The following SLC35F3 variants were observed in gnomAD, a reference collection of about 807,000 sequenced individuals.
SLC35F3 encodes putative thiamine transporter SLC35F3.
SLC35F3 carries 25 observed loss-of-function variants against 49.9 expected under a neutral mutation model. The ratio of observed to expected loss-of-function variants is 0.50; its 90% CI spans 0.37 to 0.70. The LOEUF is 0.70. SLC35F3 is among the 30% of genes least tolerant of loss of function. SLC35F3 has a pLI of 0.00. For synonymous variants in SLC35F3, 275 were observed against 265.4 expected (o/e 1.04, Z -0.35); for missense variants, 525 against 639.8 (o/e 0.82, Z 1.94).
At chr1:234,106,818 T>C (rs1330292527) in intron 2 of SLC35F3, among the ~76,000 whole-genome samples, 9 of 152,134 alleles carry the variant, frequency 5.9e-5, no homozygotes, top group Non-Finnish European at 1.2e-4. Flanking sequence ...CAGGGTTCCA[T>C]GAGGGGGAAC....
At chr1:234,064,653 C>T (rs72756126) in intron 2 of SLC35F3, among the ~76,000 whole-genome samples, 6,691 of 152,120 alleles carry the variant, frequency 0.044, 204 homozygotes, top group Non-Finnish European at 0.069. Context: ...TAATTAATTC[C>T]GCAGGATTTT....
chr1:234,047,821 G>A (rs914110807), intron 2 of SLC35F3, among the ~76,000 whole-genome samples: 1 of 152,172 alleles, frequency 6.6e-6, no homozygotes, highest in Non-Finnish European at 1.5e-5. Context: ...ACTGTGAAGG[G>A]ACTGTTGATA....
chr1:234,079,775 A>G (rs1320679770), intron 2 of SLC35F3, among the ~76,000 whole-genome samples: 1 of 152,242 alleles, frequency 6.6e-6, no homozygotes, highest in Non-Finnish European at 1.5e-5. Context: ...AATATTAACG[A>G]GGATATAGAG....
chr1:233,922,934 G>A (rs144232010), intron 2 of SLC35F3, among the ~76,000 whole-genome samples: 2,336 of 152,170 alleles, frequency 0.015, 25 homozygotes, highest in Non-Finnish European at 0.024. Context: ...TTTTTGTCAG[G>A]TTTGTCAAAG....
rs1025653006 is a variant in SLC35F3, at chr1:234,027,392, G to C, written c.283+121634G>C. Among the ~76,000 whole-genome samples the C allele has an allele frequency of 2.0e-5, 3 of 152,366 alleles. No individual in the cohort carries two copies. Among genetic ancestry groups the C allele is most frequent in the Admixed American group, 6.5e-5 (1 of 15,298 alleles). ...ATCCACAGACTGGAAACTGAAGCCT[G>C]GCAGTGGCCACCACCCGCAGCTGAG... On this transcript the variant is annotated intron_variant, in intron 2 of 7. Coordinates refer to ENST00000366618, the MANE Select transcript of SLC35F3 (RefSeq NM_173508.4). This position sits in a 1 kb window ranked among gnomAD's most constrained non-coding sequence, Gnocchi z 4.1.
chr1:234,236,324 C>T (rs1667466784), intron 3 of SLC35F3, among the ~76,000 whole-genome samples: 1 of 152,040 alleles, frequency 6.6e-6, no homozygotes, highest in Non-Finnish European at 1.5e-5. Flanking sequence ...CCTGTAGTCC[C>T]AGCTACTCAG....
intron 2 of SLC35F3, among the ~76,000 whole-genome samples, chr1:234,087,999 A>G (rs1664985805): frequency 6.6e-6 from 1 of 152,148 alleles, no homozygotes; most frequent in African/African-American, 2.4e-5. Flanking sequence ...TAGTCTCCTC[A>G]TTCTGATATA....
rs867509202 is a variant in SLC35F3 at position 233,904,836 on chromosome 1, C to T, written c.-242C>T. The T allele has an allele frequency of 6.5e-5, 13 of 200,484 alleles. No homozygotes were observed. The highest frequency in any genetic ancestry group is 1.7e-3 in the Middle Eastern group (1 of 588). The allele number at this position is 200,484 out of a possible 1,614,324, so 12.4% of individuals were successfully genotyped here. A position where few individuals can be genotyped will look rare whatever the true frequency, so the allele number is the denominator to read the frequency against. Reference sequence around the variant, plus strand: ...TCGGCTGCCGGGTCGTTGCGGCGAGCGCGCGGGCCGGCCTGGAGTCACCGG... The same window carrying T: ...TCGGCTGCCGGGTCGTTGCGGCGAGTGCGCGGGCCGGCCTGGAGTCACCGG... On this transcript the variant is annotated 5_prime_UTR_variant, in exon 1 of 8. Coordinates refer to ENST00000366618, the MANE Select transcript of SLC35F3 (RefSeq NM_173508.4).
At chr1:234,314,268 C>G (rs527578628) in intron 4 of SLC35F3, among the ~76,000 whole-genome samples, 3 of 152,176 alleles carry the variant, frequency 2.0e-5, no homozygotes, top group Non-Finnish European at 4.4e-5. Flanking sequence ...TTCCTACCCC[C>G]TTGTCCCTTC....
intron 2 of SLC35F3, among the ~76,000 whole-genome samples, chr1:234,074,124 A>G (rs1281658619): frequency 6.6e-6 from 1 of 152,136 alleles, no homozygotes; most frequent in Non-Finnish European, 1.5e-5. Flanking sequence ...TTCTTTTCAC[A>G]GGTGTCGGGT....
At chr1:234,079,790 C>T (rs981658194) in intron 2 of SLC35F3, among the ~76,000 whole-genome samples, 64 of 152,222 alleles carry the variant, frequency 4.2e-4, no homozygotes, top group African/African-American at 1.3e-3. Context: ...ATAGAGAAAT[C>T]GGAACCTTCA....
intron 2 of SLC35F3, among the ~76,000 whole-genome samples, chr1:234,138,233 A>G (rs980026831): frequency 2.0e-5 from 3 of 152,214 alleles, no homozygotes; most frequent in Non-Finnish European, 4.4e-5. Flanking sequence ...GTATGGCTGT[A>G]TCTCTATAAT....
intron 2 of SLC35F3, among the ~76,000 whole-genome samples, chr1:234,193,701 A>G (rs935213329): frequency 2.0e-5 from 3 of 152,250 alleles, no homozygotes; most frequent in Admixed American, 6.5e-5. Context: ...GTAATCCTAC[A>G]AAGGACTAAT....
chr1:233,961,785 G>C (rs1662808263), intron 2 of SLC35F3, among the ~76,000 whole-genome samples: 1 of 152,168 alleles, frequency 6.6e-6, no homozygotes, highest in South Asian at 2.1e-4. Flanking sequence ...GAGATCTGCT[G>C]TCTGTCAGGT....
chr1:234,163,438 A>G (rs147511719), intron 2 of SLC35F3, among the ~76,000 whole-genome samples: 2 of 152,278 alleles, frequency 1.3e-5, no homozygotes, highest in African/African-American at 4.8e-5. Flanking sequence ...CCTGTAGAGC[A>G]AGATCTGGGT....
chr1:234,318,020 A>T (rs1657530787), intron 5 of SLC35F3, among the ~76,000 whole-genome samples: 1 of 152,226 alleles, frequency 6.6e-6, no homozygotes, highest in Admixed American at 6.5e-5. Context: ...AAATACATGA[A>T]TGAGTTGGGA....
In SLC35F3 at chr1:234,308,448, AT is replaced by A. The variant is rs531965678; in HGVS notation, c.609-642del. Among the ~76,000 whole-genome samples the A allele has an allele frequency of 7.2e-3, 1,065 of 147,644 alleles. 7 individuals are homozygous for A. The highest frequency in any genetic ancestry group is 0.019 in the African/African-American group (765 of 40,354). Reference sequence around the variant, plus strand: ...GTAAACTTTCTTAAAACATTATGAGATTTTTTTTTTTGCGATTTCTTTTTGT... The same window carrying A: ...GTAAACTTTCTTAAAACATTATGAGATTTTTTTTTTGCGATTTCTTTTTGT... On this transcript the variant is annotated intron_variant, in intron 3 of 7. Transcript: ENST00000366618.
chr1:234,091,141 T>G (rs1665038072), intron 2 of SLC35F3, among the ~76,000 whole-genome samples: 1 of 152,208 alleles, frequency 6.6e-6, no homozygotes, highest in Admixed American at 6.5e-5. Flanking sequence ...AGCAAAAGTT[T>G]CCTTCATTCA....
chr1:234,314,896 C>G (rs1455577711), intron 4 of SLC35F3, among the ~76,000 whole-genome samples: 1 of 152,170 alleles, frequency 6.6e-6, no homozygotes, highest in African/African-American at 2.4e-5. Context: ...CCCGGTTTGG[C>G]GTGTTCCTGA....
Sources: allele counts gnomAD v4.1 joint callset (sites outside exome capture counted in the v4.1 genomes callset), GRCh38; gene constraint gnomAD v4.1.1; non-coding constraint Gnocchi (gnomAD v3.1); transcripts MANE v1.5; gene names NCBI Gene and HGNC (gene_info 2026-07-23, HGNC 2026-07-21).